Variants in GPATCH8 observed in about 807,000 individuals in gnomAD.
GPATCH8 encodes G patch domain-containing protein 8.
Under a neutral mutation model 118.3 loss-of-function variants are expected in GPATCH8, and 18 were observed. That is an observed-to-expected ratio of 0.15 (90% CI 0.11 to 0.23). GPATCH8 has a LOEUF of 0.23. Among genes scored for constraint, GPATCH8 ranks in the 10% least tolerant of loss-of-function variants. The pLI is 1.00. For synonymous variants in GPATCH8, 659 were observed against 684.7 expected (o/e 0.96, Z 0.59); for missense variants, 1,631 against 1,873.8 (o/e 0.87, Z 2.39).
chr17:44,493,657 G>A (rs1047821319), intron 1 of GPATCH8, among the ~76,000 whole-genome samples: 8 of 152,328 alleles, frequency 5.3e-5, no homozygotes, highest in Admixed American at 1.3e-4. Flanking sequence ...GGAGGCAGAG[G>A]TGGGAGGATG....
At chr17:44,426,847 C>G (rs1358120859) in intron 5 of GPATCH8, among the ~76,000 whole-genome samples, 2 of 27,572 alleles carry the variant, frequency 7.3e-5, no homozygotes, top group Non-Finnish European at 1.9e-4. Context: ...CACACACACA[C>G]ACTCTCTCTC....
chr17:44,473,262 GTAGC>G (rs1364764567), intron 2 of GPATCH8: 1 of 151,986 alleles, frequency 6.6e-6, no homozygotes, highest in Non-Finnish European at 1.5e-5. Flanking sequence ...AGCCTCCCGA[GTAGC>G]TGGGACTACA....
rs762174859 is a variant in GPATCH8 at position 44,397,415 on chromosome 17, T to C, written c.*153A>G. On this transcript the variant is annotated 3_prime_UTR_variant, in exon 8 of 8. Transcript: ENST00000591680. ...TAGTAAACTGAAAGCAAACTTCAAA[T>C]CTAAACCCACCCCTGCAAGCCAAAA... is the stretch of plus-strand genomic sequence containing the variant. 2 of 708,616 alleles carry C rather than the reference T, an allele frequency of 2.8e-6. No homozygotes were observed. Among genetic ancestry groups the C allele is most frequent in the Admixed American group, 4.0e-5 (2 of 50,000 alleles). 43.9% of individuals were successfully genotyped at this position (708,616 alleles called of 1,614,324 possible). A position where few individuals can be genotyped will look rare whatever the true frequency, so the allele number is the denominator to read the frequency against.
intron 3 of GPATCH8, among the ~76,000 whole-genome samples, chr17:44,445,102 A>G (rs1448035736): frequency 6.6e-6 from 1 of 152,218 alleles, no homozygotes; most frequent in Non-Finnish European, 1.5e-5. Context: ...TTTGAGTTTT[A>G]CATTACTGGT....
intron 1 of GPATCH8, among the ~76,000 whole-genome samples, chr17:44,480,441 C>T (rs1047133642): frequency 1.3e-5 from 2 of 151,864 alleles, no homozygotes; most frequent in African/African-American, 4.8e-5. Flanking sequence ...ATTGGCCAGG[C>T]GCGGTGGTTC....
intron 3 of GPATCH8, among the ~76,000 whole-genome samples, chr17:44,437,823 G>C (rs1469927960): frequency 6.6e-6 from 1 of 150,750 alleles, no homozygotes; most frequent in Non-Finnish European, 1.5e-5. Context: ...AAATTCATAA[G>C]TTTAACTACT....
intron 1 of GPATCH8, among the ~76,000 whole-genome samples, chr17:44,497,960 A>G (rs1969794420): frequency 6.6e-6 from 1 of 152,154 alleles, no homozygotes. Flanking sequence ...GAAAAAAAGA[A>G]AAGAAAAACA....
At chr17:44,401,529 A>C in intron 7 of GPATCH8, 76 bp from the exon 8 acceptor site, 1 of 902,430 alleles carries the variant, frequency 1.1e-6, no homozygotes, top group Non-Finnish European at 1.9e-6. Flanking sequence ...TAAAATACTA[A>C]TCTCTTATAT....
At chr17:44,470,629 TG>T (rs1967206911) in intron 2 of GPATCH8, among the ~76,000 whole-genome samples, 1 of 151,928 alleles carries the variant, frequency 6.6e-6, no homozygotes, top group South Asian at 2.1e-4. Context: ...CCTGAGTAGC[TG>T]GGTAATCCCA....
intron 2 of GPATCH8, among the ~76,000 whole-genome samples, chr17:44,466,465 C>T (rs893725921): frequency 6.6e-6 from 1 of 152,144 alleles, no homozygotes; most frequent in East Asian, 1.9e-4. Context: ...CACTACTGAT[C>T]CCAAGCACTG....
intron 2 of GPATCH8, chr17:44,465,198 T>A (rs1323005263): frequency 6.6e-6 from 1 of 151,470 alleles, no homozygotes; most frequent in Non-Finnish European, 1.5e-5. Flanking sequence ...AACAGAAAAA[T>A]AAAATGAGCT....
intron 3 of GPATCH8, among the ~76,000 whole-genome samples, chr17:44,444,819 C>T (rs1240617094): frequency 6.6e-6 from 1 of 152,122 alleles, no homozygotes; most frequent in Admixed American, 6.6e-5. Flanking sequence ...CTGAGTTTTA[C>T]TTATGTTTAT....
chr17:44,498,002 CCAGA>C (rs1293006323), intron 1 of GPATCH8, among the ~76,000 whole-genome samples: 1 of 151,728 alleles, frequency 6.6e-6, no homozygotes, highest in Admixed American at 6.6e-5. Flanking sequence ...TATCATGTAC[CCAGA>C]TAGACAGAAA....
chr17:44,442,249 G>A (rs1006656707), intron 3 of GPATCH8, among the ~76,000 whole-genome samples: 3 of 147,778 alleles, frequency 2.0e-5, no homozygotes, highest in South Asian at 4.2e-4. Flanking sequence ...GCAGCACCAC[G>A]TTCCATGAAT....
At chr17:44,460,708 T>C (rs1399815185) in intron 3 of GPATCH8, among the ~76,000 whole-genome samples, 1 of 152,214 alleles carries the variant, frequency 6.6e-6, no homozygotes, top group Non-Finnish European at 1.5e-5. Context: ...GACAATGAAC[T>C]AGTCAATGTG....
chr17:44,419,325 C>T (rs1180045549), intron 6 of GPATCH8, among the ~76,000 whole-genome samples: 1 of 152,114 alleles, frequency 6.6e-6, no homozygotes, highest in Non-Finnish European at 1.5e-5. Flanking sequence ...GAAGACAAGA[C>T]AGGGTGTCTT....
rs567963471 is a variant in GPATCH8, at chr17:44,495,004, A to G, written c.45+8322T>C. Among the ~76,000 whole-genome samples the G allele has an allele frequency of 2.6e-5, 4 of 152,238 alleles. No individual in the cohort carries two copies. The South Asian group carries it at 6.2e-4, about 24-fold the overall frequency. On this transcript the variant is annotated intron_variant, in intron 1 of 7. Transcript: ENST00000591680. The stretch of plus-strand genomic sequence containing the variant: ...CCATTCACTTGAAGGATGCAATCCC[A>G]TCCTTCAAGATCCAGCTTAAATGCT...
rs746030826 is a variant in GPATCH8, at chr17:44,398,448, G to A, written c.3629C>T (p.Ser1210Leu). 3 of 1,613,200 alleles carry A rather than the reference G, an allele frequency of 1.9e-6. No individual in the cohort carries two copies. The highest frequency in any genetic ancestry group is 3.3e-4 in the Middle Eastern group (2 of 6,058). Residue 1210 changes from serine (S) to leucine (L), a missense_variant, in exon 8 of 8, where the codon TCA becomes TTA. Transcript: ENST00000591680. ...GPLLDPPPEE[S>L]KSGEATADHP... ...ATCAGCAGTAGCTTCTCCAGACTTT[G>A]ACTCTTCTGGGGGTGGGTCTAATAA...
Position 44,399,886 on chromosome 17 carries a change from G to C in GPATCH8, c.2191C>G (p.Pro731Ala). The C allele has an allele frequency of 1.2e-6, 2 of 1,613,800 alleles. No individual in the cohort carries two copies. The highest frequency in any genetic ancestry group is 2.2e-5 in the South Asian group (2 of 91,050). ...SSAPADSERG[P>A]KPEPPGSGSP... ...CCACTCCCAGGGGGTTCTGGTTTGG[G>C]TCCTCGTTCAGAATCTGCTGGGGCT... is the stretch of plus-strand genomic sequence containing the variant. Residue 731 changes from proline to alanine, a missense_variant, in exon 8 of 8, where the codon CCC becomes GCC. Physicochemically the swap from Pro to Ala is conservative, Grantham distance 27. Transcript: ENST00000591680.
Sources: allele counts gnomAD v4.1 joint callset (sites outside exome capture counted in the v4.1 genomes callset), GRCh38; gene constraint gnomAD v4.1.1; transcripts MANE v1.5; gene names NCBI Gene and HGNC (gene_info 2026-07-23, HGNC 2026-07-21).